The following CAST variants were observed in gnomAD, a reference collection of about 807,000 sequenced individuals.
CAST encodes MIR583 host.
In CAST, 76 loss-of-function variants were observed where a neutral mutation model predicts 119.6. The ratio of observed to expected loss-of-function variants is 0.64; its 90% CI spans 0.53 to 0.77. The LOEUF is 0.77. Ranked by LOEUF, CAST falls within the 30% of genes least tolerant of loss-of-function variation. The pLI is 0.00. For missense variants in CAST, 953 were observed against 946.5 expected (o/e 1.01, Z -0.09); for synonymous variants, 319 against 331.6 (o/e 0.96, Z 0.41).
intron 1 of CAST, among the ~76,000 whole-genome samples, chr5:96,670,844 G>T (rs1749973608): frequency 6.6e-6 from 1 of 152,158 alleles, no homozygotes; most frequent in African/African-American, 2.4e-5. Context: ...TCCCTTGGCT[G>T]TCTATGTATC....
the CAST span, among the ~76,000 whole-genome samples, chr5:96,407,745 T>C: frequency 6.6e-6 from 1 of 152,226 alleles, no homozygotes. Context: ...TCATGTCCCC[T>C]GATGTGGTTA....
At chr5:96,208,718 G>A in the CAST span, among the ~76,000 whole-genome samples, 3,200 of 151,064 alleles carry the variant, frequency 0.021, 111 homozygotes, top group African/African-American at 0.073. Flanking sequence ...TTTTTAATTC[G>A]CTGAAAATTG....
the CAST span, among the ~76,000 whole-genome samples, chr5:96,520,150 A>G: frequency 9.9e-5 from 15 of 151,954 alleles, no homozygotes; most frequent in Admixed American, 9.2e-4. Flanking sequence ...TTTTTGCCTG[A>G]GTTTTAGGCC....
intron 22 of CAST, chr5:96,755,063 G>T (rs964351447): frequency 2.5e-4 from 42 of 171,410 alleles, no homozygotes. Flanking sequence ...GGAATAGGCC[G>T]GGCATGGTGG....
At chr5:95,961,993 C>A in the CAST span, 1 of 421,282 alleles carries the variant, frequency 2.4e-6, no homozygotes, top group South Asian at 7.3e-5. Context: ...GGGGGCGGGC[C>A]CAAAGTCACT....
chr5:96,545,720 G>A (rs261974), intron 1 of CAST, among the ~76,000 whole-genome samples: 47,292 of 152,086 alleles, frequency 0.31, 8,021 homozygotes, highest in Middle Eastern at 0.43. Flanking sequence ...CACCATGACC[G>A]CTTATTTCAT....
chr5:96,165,511 G>A, the CAST span, among the ~76,000 whole-genome samples: 1 of 152,106 alleles, frequency 6.6e-6, no homozygotes, highest in Non-Finnish European at 1.5e-5. Flanking sequence ...GAAAAAAAAT[G>A]CATATATATA....
At chr5:96,662,109 C>G (rs1474889223), upstream of CAST, 1 of 304,910 alleles carries the variant, frequency 3.3e-6, no homozygotes, top group Non-Finnish European at 6.0e-6. Flanking sequence ...AACCTCCAAC[C>G]CCTTCTTTCT....
chr5:95,961,786 T>C, the CAST span: 19 of 1,491,528 alleles, frequency 1.3e-5, no homozygotes, highest in Non-Finnish European at 1.7e-5. Flanking sequence ...CGGCCGCGGC[T>C]GCTTGGGCTT....
chr5:96,069,823 G>A, the CAST span, among the ~76,000 whole-genome samples: 1 of 151,856 alleles, frequency 6.6e-6, no homozygotes, highest in East Asian at 1.9e-4. Context: ...TTTGTTTTAA[G>A]GATTTGGCTC....
the CAST span, among the ~76,000 whole-genome samples, chr5:96,083,827 G>A: frequency 5.0e-4 from 76 of 152,090 alleles, no homozygotes; most frequent in Non-Finnish European, 8.4e-4. Flanking sequence ...AATTGCCCAC[G>A]CAATAAACCC....
the CAST span, among the ~76,000 whole-genome samples, chr5:96,196,680 A>G: frequency 1.3e-5 from 2 of 152,192 alleles, no homozygotes; most frequent in African/African-American, 2.4e-5. Flanking sequence ...CGTTACAATA[A>G]AAAAGTGGGG....
the CAST span, among the ~76,000 whole-genome samples, chr5:96,292,754 G>A: frequency 7.2e-5 from 11 of 152,160 alleles, no homozygotes; most frequent in Non-Finnish European, 1.6e-4. Flanking sequence ...TGCCCACTGC[G>A]TCACAAGGAT....
chr5:96,712,365 T>C (rs900107020), intron 3 of CAST, among the ~76,000 whole-genome samples: 1 of 152,250 alleles, frequency 6.6e-6, no homozygotes, highest in African/African-American at 2.4e-5. Context: ...GGGGTCTTGC[T>C]CTGTCACTTG....
the CAST span, among the ~76,000 whole-genome samples, chr5:95,996,263 A>G: frequency 3.9e-5 from 6 of 152,170 alleles, no homozygotes; most frequent in Non-Finnish European, 8.8e-5. Context: ...CAGCATCTAC[A>G]TTCAGCCAGT....
the CAST span, among the ~76,000 whole-genome samples, chr5:95,975,674 TATAA>T: frequency 2.0e-5 from 3 of 152,324 alleles, no homozygotes; most frequent in Admixed American, 2.0e-4. Flanking sequence ...CAGTGAGCAG[TATAA>T]ATAGACTTAA....
At chr5:96,210,831 T>C in the CAST span, among the ~76,000 whole-genome samples, 3 of 152,044 alleles carry the variant, frequency 2.0e-5, no homozygotes, top group Admixed American at 2.0e-4. Flanking sequence ...TCTCTCTATT[T>C]AGATTTTTTT....
At chr5:96,222,949 C>T in the CAST span, among the ~76,000 whole-genome samples, 1 of 152,104 alleles carries the variant, frequency 6.6e-6, no homozygotes, top group African/African-American at 2.4e-5. Context: ...GAAATCATAT[C>T]ATTTGCAGCA....
the CAST span, among the ~76,000 whole-genome samples, chr5:96,509,594 T>C: frequency 2.0e-5 from 3 of 152,114 alleles, no homozygotes; most frequent in Non-Finnish European, 4.4e-5. Context: ...AACATGAGCA[T>C]GGAGGGGAAT....
Sources: allele counts gnomAD v4.1 joint callset (sites outside exome capture counted in the v4.1 genomes callset), GRCh38; gene constraint gnomAD v4.1.1; transcripts MANE v1.5; gene names NCBI Gene and HGNC (gene_info 2026-07-23, HGNC 2026-07-21).